WFS1: variants seen among roughly 807,000 people sequenced by gnomAD.
The protein encoded by WFS1 is wolframin.
A neutral mutation model predicts 68.5 loss-of-function variants in WFS1; 90 were observed. The ratio of observed to expected loss-of-function variants is 1.31; its 90% CI spans 1.11 to 1.56. WFS1 has a LOEUF of 1.56. WFS1 is among the 40% of genes most tolerant of loss of function. The probability of loss-of-function intolerance (pLI) is 0.00; values close to 1 mark genes in which losing one functional copy is unlikely to be tolerated. For missense variants in WFS1, 1,767 were observed against 1,232.6 expected (o/e 1.43, Z -6.49); for synonymous variants, 860 against 540.7 (o/e 1.59, Z -8.19).
rs1281745640 is a variant in WFS1 at position 6,291,998 on chromosome 4, G to A, written c.712+1G>A. On this transcript the variant is annotated splice_donor_variant, in intron 6 of 7. Coordinates refer to ENST00000226760, the MANE Select transcript of WFS1 (RefSeq NM_006005.3). LOFTEE classifies it high-confidence loss of function. ...CTGGAGCGCCTGGTCAGCAGCGAGT[G>A]TGAGTGCAGCCCCTGCCCCGTCTCA... The A allele has an allele frequency of 6.2e-7, 1 of 1,605,734 alleles. No homozygotes were observed. Among genetic ancestry groups the A allele is most frequent in the Non-Finnish European group, 8.5e-7 (1 of 1,177,350 alleles).
intron 1 of WFS1, among the ~76,000 whole-genome samples, chr4:6,270,385 T>TC (rs1729767067): frequency 7.8e-6 from 1 of 128,118 alleles, no homozygotes; most frequent in Non-Finnish European, 1.7e-5. Flanking sequence ...GTCATGCCCC[T>TC]CCCCCGCGGT....
intron 6 of WFS1, among the ~76,000 whole-genome samples, chr4:6,293,991 C>T (rs1270040899): frequency 6.7e-6 from 1 of 149,164 alleles, no homozygotes; most frequent in Non-Finnish European, 1.5e-5. Flanking sequence ...GTGGGCCCCC[C>T]CAAGGCTGCC....
Position 6,301,490 on chromosome 4 carries a change from C to T in WFS1, c.1695C>T (p.Leu565=), listed in dbSNP as rs755736687. The change falls in exon 8 of 8, where the codon CTC becomes CTT. Residue 565 remains leucine, a synonymous_variant. Coordinates refer to ENST00000226760, the MANE Select transcript of WFS1 (RefSeq NM_006005.3). ...TCCGCGCCTCCATCGGCTACTTCCTCTTCCTCTTTGCCCTCCCCATCCTGG... is the reference window on the plus strand; with the variant it reads ...TCCGCGCCTCCATCGGCTACTTCCTTTTCCTCTTTGCCCTCCCCATCCTGG... ...GLLRASIGYF[L]FLFALPILVA... The T allele has an allele frequency of 1.3e-4, 202 of 1,613,124 alleles. No homozygotes were observed. Among genetic ancestry groups the T allele is most frequent in the Middle Eastern group, 1.6e-4 (1 of 6,084 alleles).
At chr4:6,281,787 C>G (rs1433386802) in intron 2 of WFS1, among the ~76,000 whole-genome samples, 3 of 152,258 alleles carry the variant, frequency 2.0e-5, no homozygotes, top group Admixed American at 2.0e-4. Flanking sequence ...AAGCAGCTGT[C>G]ACGCCTGTTC....
intron 7 of WFS1, among the ~76,000 whole-genome samples, chr4:6,298,579 C>G (rs904791603): frequency 6.0e-5 from 9 of 150,022 alleles, no homozygotes; most frequent in African/African-American, 2.3e-4. Context: ...TGCACACACT[C>G]CTAAACACTT....
At chr4:6,299,159 G>C (rs917010997) in intron 7 of WFS1, among the ~76,000 whole-genome samples, 17 of 152,236 alleles carry the variant, frequency 1.1e-4, no homozygotes, top group Admixed American at 8.5e-4. Flanking sequence ...GCTGCCCTGT[G>C]TTCTGGCAGG....
In WFS1 at chr4:6,302,454, C is replaced by T. The variant is rs1730983153; in HGVS notation, c.2659C>T (p.Leu887=). The T allele has an allele frequency of 1.9e-6, 3 of 1,612,914 alleles. No individual in the cohort carries two copies. Among genetic ancestry groups the T allele is most frequent in the Non-Finnish European group, 1.7e-6 (2 of 1,180,034 alleles). Residue 887 remains leucine, a synonymous_variant, in exon 8 of 8, where the codon CTG becomes TTG. Coordinates refer to ENST00000226760, the MANE Select transcript of WFS1 (RefSeq NM_006005.3). ...CTTCGACTTCTTTTTCTTCCCATTC[C>T]TGTCGGCGGCCTGAGGATGGTCCGC... ...FAFDFFFFPF[L]SAA
Position 6,300,851 on chromosome 4 carries a change from G to A in WFS1, c.1056G>A (p.Leu352=). 2.5e-6 allele frequency: 4 copies of A among 1,614,042 alleles called. No homozygotes were observed. Among genetic ancestry groups the A allele is most frequent in the Non-Finnish European group, 3.4e-6 (4 of 1,180,006 alleles). The change falls in exon 8 of 8, where the codon CTG becomes CTA. Residue 352 remains leucine, a synonymous_variant. Coordinates refer to ENST00000226760, the MANE Select transcript of WFS1 (RefSeq NM_006005.3). ...TCATCCCGCTGGTCATCTTCTACCT[G>A]TCCTTCATCTCCATGGTGATCTGCA... is the stretch of plus-strand genomic sequence containing the variant. ...AFFIPLVIFY[L]SFISMVICTL...
In WFS1 at chr4:6,293,075, G is replaced by T. The variant is rs539985624; in HGVS notation, c.712+1078G>T. ...CTCTAGGAAGCCCGAGGACCAGAGA[G>T]GCTGTGACAGTGTCCTGCCACCGAG... On this transcript the variant is annotated intron_variant, in intron 6 of 7. Coordinates refer to ENST00000226760, the MANE Select transcript of WFS1 (RefSeq NM_006005.3). Among the ~76,000 whole-genome samples, 820 of 152,318 alleles carry T rather than the reference G, an allele frequency of 5.4e-3. 10 individuals are homozygous for T. The highest frequency in any genetic ancestry group is 0.019 in the African/African-American group (787 of 41,562).
At chr4:6,273,444 C>G (rs568967669) in intron 1 of WFS1, among the ~76,000 whole-genome samples, 8 of 152,294 alleles carry the variant, frequency 5.3e-5, no homozygotes, top group African/African-American at 1.9e-4. Context: ...AGGTGGGGAT[C>G]TGAGGGTGCA....
chr4:6,299,016 C>G (rs1305994883), intron 7 of WFS1, among the ~76,000 whole-genome samples: 1 of 152,234 alleles, frequency 6.6e-6, no homozygotes, highest in Non-Finnish European at 1.5e-5. Flanking sequence ...CCTAGGCGTC[C>G]ACTTCCTGGT....
chr4:6,270,519 AG>A (rs1207755367), intron 1 of WFS1, among the ~76,000 whole-genome samples: 2 of 152,036 alleles, frequency 1.3e-5, no homozygotes, highest in Non-Finnish European at 2.9e-5. Flanking sequence ...CCCGAGGGGC[AG>A]CTTAGGGGTC....
rs756286741 is a variant in WFS1 at position 6,300,994 on chromosome 4, A to C, written c.1199A>C (p.Asn400Thr). The stretch of plus-strand genomic sequence containing the variant: ...CAGGCCGAGGTCAACTTCGGCTGGA[A>C]CCACCTGGAGCCCTATGCCCATTTC... ...VEQAEVNFGW[N>T]HLEPYAHFLL... The change falls in exon 8 of 8, where the codon AAC becomes ACC. Residue 400 changes from asparagine (N) to threonine (T), a missense_variant. By Grantham distance (65) the Asn-to-Thr change is moderately conservative. Coordinates refer to ENST00000226760, the MANE Select transcript of WFS1 (RefSeq NM_006005.3). 3 of 1,613,778 alleles carry C rather than the reference A, an allele frequency of 1.9e-6. No homozygotes were observed. Among genetic ancestry groups the C allele is most frequent in the Non-Finnish European group, 2.5e-6 (3 of 1,179,996 alleles).
At position 6,269,908 on chromosome 4, in the gene WFS1, C is replaced by G. The variant is rs1729748056; in HGVS notation, c.-112C>G. ...GCGAGTGCAGATTGCTCCCCCGCGG[C>G]CGCAGATCTCCCGTTTGCGCCGCGT... On this transcript the variant is annotated 5_prime_UTR_variant, in exon 1 of 8. Transcript: ENST00000226760. The G allele has an allele frequency of 6.6e-6, 1 of 152,144 alleles. No homozygotes were observed. Among genetic ancestry groups the G allele is most frequent in the East Asian group, 1.9e-4 (1 of 5,166 alleles). 9.4% of individuals were successfully genotyped at this position (152,144 alleles called of 1,614,324 possible). A position where few individuals can be genotyped will look rare whatever the true frequency, so the allele number is the denominator to read the frequency against.
In WFS1 at chr4:6,301,664, G is replaced by A. The variant is rs778295023; in HGVS notation, c.1869G>A (p.Met623Ile). 5 of 1,614,080 alleles carry A rather than the reference G, an allele frequency of 3.1e-6. No individual in the cohort carries two copies. Among genetic ancestry groups the A allele is most frequent in the Non-Finnish European group, 4.2e-6 (5 of 1,180,002 alleles). The change falls in exon 8 of 8, where the codon ATG (methionine) becomes ATA (isoleucine). Residue 623 changes from methionine (M) to isoleucine (I), a missense_variant. Coordinates refer to ENST00000226760, the MANE Select transcript of WFS1 (RefSeq NM_006005.3). ...WTKASFSVVGMVKSLTRSSMV... is the reference protein window; with the variant it reads ...WTKASFSVVGIVKSLTRSSMV... Reference sequence around the variant, plus strand: ...AGGCCAGCTTCTCTGTGGTGGGGATGGTGAAGTCCCTGACGCGGAGCTCCA... The same window carrying A: ...AGGCCAGCTTCTCTGTGGTGGGGATAGTGAAGTCCCTGACGCGGAGCTCCA...
intron 2 of WFS1, among the ~76,000 whole-genome samples, chr4:6,280,029 AAC>A (rs1730111999): frequency 1.3e-5 from 2 of 152,232 alleles, no homozygotes; most frequent in East Asian, 3.9e-4. Context: ...AACCACTGCC[AAC>A]GGGTCGGGGC....
chr4:6,302,628 CAAAGGG>C lies in WFS1; in HGVS notation c.*163_*168del. 3.0e-6 allele frequency: 3 copies of C among 1,006,460 alleles called. No individual in the cohort carries two copies. Among genetic ancestry groups the C allele is most frequent in the Non-Finnish European group, 4.3e-6 (3 of 692,584 alleles). 62.3% of individuals were successfully genotyped at this position (1,006,460 alleles called of 1,614,324 possible). On this transcript the variant is annotated 3_prime_UTR_variant, in exon 8 of 8. Transcript: ENST00000226760. ...CATGTGTAGATTGCGTGGACCCCGACAAAGGGAAGGCTGCTGTGTAGCTCTGTCCAC... is the reference window on the plus strand; with the variant it reads ...CATGTGTAGATTGCGTGGACCCCGACAAGGCTGCTGTGTAGCTCTGTCCAC...
At chr4:6,270,872 G>C (rs1264901659) in intron 1 of WFS1, among the ~76,000 whole-genome samples, 1 of 152,194 alleles carries the variant, frequency 6.6e-6, no homozygotes, top group Non-Finnish European at 1.5e-5. Flanking sequence ...ACCCCAGGAA[G>C]CTGAGGCTCA....
At chr4:6,296,230 G>A (rs986985310) in intron 7 of WFS1, among the ~76,000 whole-genome samples, 2 of 152,216 alleles carry the variant, frequency 1.3e-5, no homozygotes, top group Non-Finnish European at 2.9e-5. Context: ...GGGGGGAAGA[G>A]CAGGAACCCA....
Sources: allele counts gnomAD v4.1 joint callset (sites outside exome capture counted in the v4.1 genomes callset), GRCh38; gene constraint gnomAD v4.1.1; transcripts MANE v1.5; gene names NCBI Gene and HGNC (gene_info 2026-07-23, HGNC 2026-07-21).